The following RRP1B variants were observed in gnomAD, a reference collection of about 807,000 sequenced individuals.
The protein encoded by RRP1B is ribosomal RNA processing 1B.
RRP1B carries 56 observed loss-of-function variants against 80.2 expected under a neutral mutation model. That is an observed-to-expected ratio of 0.70 (90% confidence interval 0.56 to 0.87). RRP1B has a LOEUF of 0.87. RRP1B is among the 40% of genes least tolerant of loss of function. The pLI is 0.00. For missense variants in RRP1B, 807 were observed against 939.8 expected, an observed-to-expected ratio of 0.86 and a Z score of 1.85; for synonymous variants, 351 against 357.6, an observed-to-expected ratio of 0.98 and a Z score of 0.21.
chr21:43,659,882 G>C lies in RRP1B; in HGVS notation c.130+88G>C, dbSNP rs567825346. On this transcript the variant is annotated intron_variant, in intron 1 of 15. Coordinates refer to ENST00000340648, the MANE Select transcript of RRP1B (RefSeq NM_015056.3). The surrounding 1 kb of genome is among the most constrained non-coding windows in gnomAD (Gnocchi z 4.2). ...GGCCAGGGCCCCGGCACGGAATGCG[G>C]CTTCCACGTGTTGTCGTGACACCCA... 1,276 of 1,312,432 alleles carry C rather than the reference G, an allele frequency of 9.7e-4. 3 individuals are homozygous for C. The highest frequency in any genetic ancestry group is 1.4e-3 in the Middle Eastern group (5 of 3,694). 81.3% of individuals were successfully genotyped at this position (1,312,432 alleles called of 1,614,324 possible). A position where few individuals can be genotyped will look rare whatever the true frequency, so the allele number is the denominator to read the frequency against.
At chr21:43,687,083 G>A in intron 12 of RRP1B, 148 bp downstream of exon 12, 1 of 957,274 alleles carries the variant, frequency 1.0e-6, no homozygotes. Flanking sequence ...GGTAAAGGCG[G>A]TTTTCCAAGT....
chr21:43,673,842 A>C, intron 3 of RRP1B, 28 bp from the exon 4 acceptor site: 1 of 1,532,212 alleles, frequency 6.5e-7, no homozygotes, highest in Non-Finnish European at 9.0e-7. Flanking sequence ...GTGGAAGCCA[A>C]GTATTTAGAG....
rs756168460 is a variant in RRP1B, at chr21:43,685,817, T to C, written c.1009+28T>C. 5.7e-6 allele frequency: 9 copies of C among 1,591,120 alleles called. No homozygotes were observed. The Admixed American group carries it at 6.8e-5, about 12-fold the overall frequency. On this transcript the variant is annotated intron_variant, in intron 11 of 15. Transcript: ENST00000340648. ...GAGGCGCGCCAAGAATCATCATTCA[T>C]GGTGTTTTTCGTGAATATGGACCCC...
chr21:43,687,925 A>G lies in RRP1B; in HGVS notation c.1551A>G (p.Gly517=). The G allele has an allele frequency of 6.2e-7, 1 of 1,613,282 alleles. No homozygotes were observed. The highest frequency in any genetic ancestry group is 8.5e-7 in the Non-Finnish European group (1 of 1,180,034). ...PQGPRGSPTG[G]AQLLKRKRKL... ...GACCTAGAGGGTCCCCGACAGGTGG[A>G]GCCCAACTCCTAAAAAGGAAGCGGA... The change falls in exon 13 of 16, where the codon GGA becomes GGG. Residue 517 remains glycine (G), a synonymous_variant. Coordinates refer to ENST00000340648, the MANE Select transcript of RRP1B (RefSeq NM_015056.3).
At chr21:43,672,261 T>C (rs1303396132) in intron 2 of RRP1B, 47 bp from the exon 3 acceptor site, 1 of 1,573,932 alleles carries the variant, frequency 6.4e-7, no homozygotes, top group African/African-American at 1.3e-5. Context: ...GCATCTCATG[T>C]TGCCCCACGA....
chr21:43,684,134 C>A (rs950812301), intron 9 of RRP1B, among the ~76,000 whole-genome samples: 1 of 148,104 alleles, frequency 6.8e-6, no homozygotes, highest in Non-Finnish European at 1.5e-5. Flanking sequence ...TGCGGTGGCT[C>A]GATCTCGGCT....
In RRP1B at chr21:43,669,881, C is replaced by T. The variant is rs939735114; in HGVS notation, c.131-3C>T. ...AAGATGTTTGTATTGTTTTGCCTTC[C>T]AGGAGGTTTCAGTCAGGAAGAACTT... On this transcript the variant is annotated splice_region_variant and splice_polypyrimidine_tract_variant and intron_variant, in intron 1 of 15. Coordinates refer to ENST00000340648, the MANE Select transcript of RRP1B (RefSeq NM_015056.3). 4.3e-6 allele frequency: 7 copies of T among 1,610,064 alleles called. No homozygotes were observed. In the South Asian group the frequency reaches 4.4e-5, roughly 10 times the overall value.
At chr21:43,683,972 CAAA>C (rs60372004) in intron 9 of RRP1B, among the ~76,000 whole-genome samples, 2 of 88,996 alleles carry the variant, frequency 2.2e-5, no homozygotes, top group Non-Finnish European at 2.1e-5. Flanking sequence ...GACTCTGGCT[CAAA>C]AAAAAAAAAA....
rs985663080 is a variant in RRP1B at position 43,686,975 on chromosome 21, T to C, written c.1141+40T>C. The C allele has an allele frequency of 5.6e-6, 9 of 1,604,028 alleles. No individual in the cohort carries two copies. The African/African-American group carries it at 1.1e-4, about 19-fold the overall frequency. ...TAAAAAGAAGGGCACGACTCAGCCCTTGGGGAGCGGCATGCACCATGGAGG... is the reference window on the plus strand; with the variant it reads ...TAAAAAGAAGGGCACGACTCAGCCCCTGGGGAGCGGCATGCACCATGGAGG... On this transcript the variant is annotated intron_variant, in intron 12 of 15. Coordinates refer to ENST00000340648, the MANE Select transcript of RRP1B (RefSeq NM_015056.3).
chr21:43,661,186 TTTG>T (rs1281887363), intron 1 of RRP1B, among the ~76,000 whole-genome samples: 1 of 152,224 alleles, frequency 6.6e-6, no homozygotes, highest in Admixed American at 6.5e-5. Context: ...CCCAAGAGAT[TTTG>T]TTTAGTCTCA....
chr21:43,674,801 A>T (rs767221782), intron 5 of RRP1B, 104 bp downstream of exon 5: 2 of 1,097,614 alleles, frequency 1.8e-6, no homozygotes, highest in East Asian at 4.8e-5. Flanking sequence ...AGCTCGATAC[A>T]TCGTTACCTA....
At position 43,693,293 on chromosome 21, in the gene RRP1B, C is replaced by T. The variant is rs2083094486; in HGVS notation, c.2187C>T (p.Pro729=). ...CCCTCCACGGGGTGCTGAAGACCCC[C>T]ACCAGCTCACCTGCCAGCTCACCCC... is the stretch of plus-strand genomic sequence containing the variant. ...QKPLHGVLKT[P]TSSPASSPLV... is the part of the protein sequence containing the mutation. Residue 729 remains proline (P), a synonymous_variant, in exon 16 of 16, where the codon CCC becomes CCT. Transcript: ENST00000340648. This position sits in a 1 kb window ranked among gnomAD's most constrained non-coding sequence, Gnocchi z 4.1. The T allele has an allele frequency of 6.2e-7, 1 of 1,613,778 alleles. No individual in the cohort carries two copies. Among genetic ancestry groups the T allele is most frequent in the Non-Finnish European group, 8.5e-7 (1 of 1,179,930 alleles).
intron 8 of RRP1B, among the ~76,000 whole-genome samples, chr21:43,681,668 C>G (rs570378231): frequency 7.2e-5 from 11 of 151,936 alleles, no homozygotes; most frequent in African/African-American, 2.7e-4. Context: ...AAAAAATACT[C>G]TGGCCAGGCA....
At position 43,682,558 on chromosome 21, in the gene RRP1B, C is replaced by T. The variant is rs1244660449; in HGVS notation, c.797-721C>T. 3.3e-5 allele frequency among the ~76,000 whole-genome samples: 5 copies of T among 152,314 alleles called. No homozygotes were observed. In the South Asian group the frequency reaches 1.0e-3, roughly 32 times the overall value. On this transcript the variant is annotated intron_variant, in intron 8 of 15. Coordinates refer to ENST00000340648, the MANE Select transcript of RRP1B (RefSeq NM_015056.3). ...GCTGTGACAGGTTCTCACCAAGGTC[C>T]TAAACTGACCTGAGACTAGGGCCGG...
At chr21:43,670,128 G>A (rs969441232) in intron 2 of RRP1B, among the ~76,000 whole-genome samples, 162 bp downstream of exon 2, 1 of 152,220 alleles carries the variant, frequency 6.6e-6, no homozygotes, top group African/African-American at 2.4e-5. Flanking sequence ...AAGGGATGCA[G>A]GGTCAACACA....
At chr21:43,688,791 A>AT (rs2083074781) in intron 13 of RRP1B, among the ~76,000 whole-genome samples, 5 of 152,198 alleles carry the variant, frequency 3.3e-5, no homozygotes, top group Non-Finnish European at 4.4e-5. Context: ...ATAAATGAGG[A>AT]ACCAAGCTGT....
chr21:43,687,455 G>A (rs1025392128), intron 12 of RRP1B, 61 bp from the exon 13 acceptor site: 12 of 1,443,894 alleles, frequency 8.3e-6, no homozygotes, highest in South Asian at 3.4e-5. Flanking sequence ...TCTGAGAATC[G>A]CCAGCAGGAC....
intron 1 of RRP1B, among the ~76,000 whole-genome samples, chr21:43,664,047 T>C (rs1333393716): frequency 6.6e-6 from 1 of 152,226 alleles, no homozygotes; most frequent in Non-Finnish European, 1.5e-5. Flanking sequence ...CATTTCTCTC[T>C]TTTACTTTGA....
chr21:43,669,288 T>C (rs1259743694), intron 1 of RRP1B, among the ~76,000 whole-genome samples: 1 of 152,186 alleles, frequency 6.6e-6, no homozygotes, highest in African/African-American at 2.4e-5. Context: ...GGCAGCCACT[T>C]TTGACCTTAT....
Sources: allele counts gnomAD v4.1 joint callset (sites outside exome capture counted in the v4.1 genomes callset), GRCh38; gene constraint gnomAD v4.1.1; non-coding constraint Gnocchi (gnomAD v3.1); transcripts MANE v1.5; gene names NCBI Gene and HGNC (gene_info 2026-07-23, HGNC 2026-07-21).